The following HECW1 variants were observed in gnomAD, a reference collection of about 807,000 sequenced individuals.
The protein encoded by HECW1 is HECT, C2 and WW domain containing E3 ubiquitin protein ligase 1.
In HECW1, 61 loss-of-function variants were observed where a neutral mutation model predicts 182.3. The ratio of observed to expected loss-of-function variants is 0.33; its 90% CI spans 0.27 to 0.41. The LOEUF (loss-of-function observed/expected upper bound fraction) is 0.41, where lower values mean the gene tolerates loss of function less well. Ranked by LOEUF, HECW1 falls within the 10% of genes least tolerant of loss-of-function variation. HECW1 has a pLI of 1.00. For synonymous variants in HECW1, 859 were observed against 832.6 expected, an observed-to-expected ratio of 1.03 and a Z score of -0.55; for missense variants, 1,739 against 2,108.9, an observed-to-expected ratio of 0.82 and a Z score of 3.44.
chr7:43,241,537 G>A (rs1182617146), intron 2 of HECW1: 2 of 151,882 alleles, frequency 1.3e-5, no homozygotes, highest in African/African-American at 4.8e-5. Context: ...GGTATCCCCA[G>A]TACTAAGTGC....
intron 3 of HECW1, among the ~76,000 whole-genome samples, chr7:43,307,614 G>A (rs1486599092): frequency 6.6e-6 from 1 of 152,100 alleles, no homozygotes; most frequent in African/African-American, 2.4e-5. Context: ...GTTCAGATGT[G>A]AAGAGAGAAT....
At chr7:43,273,564 C>T (rs1802692180) in intron 3 of HECW1, among the ~76,000 whole-genome samples, 1 of 151,730 alleles carries the variant, frequency 6.6e-6, no homozygotes, top group South Asian at 2.1e-4. Flanking sequence ...TTACCCATAC[C>T]TCAATCCCTG....
chr7:43,382,243 G>A (rs921180747), intron 6 of HECW1, among the ~76,000 whole-genome samples: 29 of 151,426 alleles, frequency 1.9e-4, no homozygotes, highest in Admixed American at 3.3e-4. Flanking sequence ...CCGAGATCGC[G>A]CCACTGCACT....
intron 19 of HECW1, among the ~76,000 whole-genome samples, chr7:43,497,016 T>C (rs1014324516): frequency 6.6e-6 from 1 of 152,134 alleles, no homozygotes; most frequent in Non-Finnish European, 1.5e-5. Context: ...TTGGGGTTTG[T>C]TTTTTTAAGC....
chr7:43,481,109 G>A (rs2152908274), intron 17 of HECW1, among the ~76,000 whole-genome samples: 1 of 152,296 alleles, frequency 6.6e-6, no homozygotes, highest in Non-Finnish European at 1.5e-5. Flanking sequence ...CAGAGAGGGA[G>A]TACTACACAT....
intron 2 of HECW1, among the ~76,000 whole-genome samples, chr7:43,128,013 G>A (rs578079347): frequency 6.6e-6 from 1 of 152,156 alleles, no homozygotes; most frequent in African/African-American, 2.4e-5. Context: ...TGAGTAGCAG[G>A]AACAACAGGT....
chr7:43,361,057 C>CGTGTGT (rs3032904), intron 6 of HECW1, 77 bp downstream of exon 6: 77 of 638,126 alleles, frequency 1.2e-4, no homozygotes, highest in African/African-American at 9.1e-4. Flanking sequence ...CTTGTGCGTG[C>CGTGTGT]GTGTGTGTGT....
intron 24 of HECW1, among the ~76,000 whole-genome samples, chr7:43,534,634 T>A (rs1448677548): frequency 6.6e-6 from 1 of 152,240 alleles, no homozygotes; most frequent in African/African-American, 2.4e-5. Flanking sequence ...TATAAGACAT[T>A]TCAGACATTT....
intron 24 of HECW1, among the ~76,000 whole-genome samples, chr7:43,524,984 C>CT (rs796224656): frequency 7.1e-4 from 108 of 152,304 alleles, no homozygotes; most frequent in African/African-American, 2.4e-3. Context: ...TGAGCAGACT[C>CT]TTTACATTAT....
At chr7:43,286,772 C>T (rs1804696276) in intron 3 of HECW1, among the ~76,000 whole-genome samples, 2 of 152,168 alleles carry the variant, frequency 1.3e-5, no homozygotes, top group African/African-American at 4.8e-5. Context: ...TCTCGGCCTA[C>T]ATAGACTTTG....
intron 3 of HECW1, among the ~76,000 whole-genome samples, chr7:43,280,906 G>A (rs1803811030): frequency 6.6e-6 from 1 of 152,166 alleles, no homozygotes; most frequent in Non-Finnish European, 1.5e-5. Flanking sequence ...TCTCCAGTTA[G>A]AGGAAGACTG....
At chr7:43,234,396 G>A (rs1022183147) in intron 2 of HECW1, among the ~76,000 whole-genome samples, 10 of 152,146 alleles carry the variant, frequency 6.6e-5, no homozygotes, top group Non-Finnish European at 1.0e-4. Flanking sequence ...TGAACTAGAA[G>A]CCTAACACAA....
rs2076969778 is a variant in HECW1, at chr7:43,444,108, A to T, written c.1046-110A>T. ...AGAAACCCTCATCAACCTACATTCA[A>T]TATCCTAATGTAGAAATCCCTTAGT... On this transcript the variant is annotated intron_variant, in intron 10 of 29. Transcript: ENST00000395891. The surrounding 1 kb of genome is among the most constrained non-coding windows in gnomAD (Gnocchi z 4.3). The T allele has an allele frequency of 1.8e-6, 2 of 1,108,566 alleles. No homozygotes were observed. The highest frequency in any genetic ancestry group is 2.5e-6 in the Non-Finnish European group (2 of 785,208). The allele number at this position is 1,108,566 out of a possible 1,614,324, so 68.7% of individuals were successfully genotyped here.
chr7:43,275,621 C>T lies in HECW1; in HGVS notation c.27+31689C>T, dbSNP rs149306216. 7.2e-3 allele frequency among the ~76,000 whole-genome samples: 1,096 copies of T among 152,162 alleles called. 14 individuals carry two copies. The highest frequency in any genetic ancestry group is 0.024 in the African/African-American group (1,010 of 41,520). On this transcript the variant is annotated intron_variant, in intron 3 of 29. Transcript: ENST00000395891. ...ATGCACTAATCACCTCCCCAAATTA[C>T]GGAGCTGCCTTGAAGCCTGGTCATT...
At chr7:43,521,837 A>C (rs2080491974) in intron 24 of HECW1, among the ~76,000 whole-genome samples, 1 of 152,194 alleles carries the variant, frequency 6.6e-6, no homozygotes, top group African/African-American at 2.4e-5. Context: ...ATTGCATTGC[A>C]CTCCAGCCTG....
rs183310025 is a variant in HECW1 at position 43,123,781 on chromosome 7, A to G, written c.-32+9390A>G. On this transcript the variant is annotated intron_variant, in intron 2 of 29. Transcript: ENST00000395891. The stretch of plus-strand genomic sequence containing the variant: ...CCTGATGCTGTGGAATAGTGGTACC[A>G]TAGCCCTTCCAACCGGGTGGGCTGT... Among the ~76,000 whole-genome samples the G allele has an allele frequency of 3.1e-3, 477 of 152,274 alleles. 1 individual carries two copies. The highest frequency in any genetic ancestry group is 0.011 in the African/African-American group (468 of 41,564).
intron 24 of HECW1, among the ~76,000 whole-genome samples, chr7:43,539,341 G>A (rs1218876180): frequency 6.6e-6 from 1 of 152,166 alleles, no homozygotes; most frequent in Non-Finnish European, 1.5e-5. Flanking sequence ...AAGGTTTACT[G>A]TCCTTGAGTT....
At chr7:43,204,034 C>G (rs1056350475) in intron 2 of HECW1, among the ~76,000 whole-genome samples, 1 of 152,154 alleles carries the variant, frequency 6.6e-6, no homozygotes, top group Non-Finnish European at 1.5e-5. Flanking sequence ...TGAATTGTTG[C>G]TTAGCAAGAA....
chr7:43,244,920 T>C (rs1389396635), intron 3 of HECW1, among the ~76,000 whole-genome samples: 1 of 152,238 alleles, frequency 6.6e-6, no homozygotes, highest in Non-Finnish European at 1.5e-5. Flanking sequence ...AGTGTGTGCC[T>C]TGGTACGCGT....
Sources: gnomAD v4.1 joint callset for allele counts (sites outside exome capture counted in the v4.1 genomes callset) on GRCh38, gnomAD v4.1.1 for gene constraint, Gnocchi (gnomAD v3.1) non-coding constraint, MANE v1.5 for transcripts, NCBI Gene and HGNC (gene_info 2026-07-23, HGNC 2026-07-21) for gene names.